The following OPCML variants were observed in gnomAD, a reference collection of about 807,000 sequenced individuals.
OPCML encodes the protein opioid binding protein/cell adhesion molecule like.
OPCML carries 13 observed loss-of-function variants against 37.8 expected under a neutral mutation model. The observed-to-expected ratio is 0.34, with a 90% CI of 0.22 to 0.55. The LOEUF (loss-of-function observed/expected upper bound fraction) is 0.55. Among genes scored for constraint, OPCML ranks in the 20% least tolerant of loss-of-function variants. The pLI, the probability that OPCML is intolerant of heterozygous loss-of-function variation, is 0.91. For missense variants in OPCML, 341 were observed against 435.6 expected (o/e 0.78, Z 1.93); for synonymous variants, 176 against 168.8 (o/e 1.04, Z -0.33).
intron 7 of OPCML, among the ~76,000 whole-genome samples, chr11:132,425,450 C>A (rs1203099281): frequency 6.6e-6 from 1 of 152,148 alleles, no homozygotes; most frequent in Non-Finnish European, 1.5e-5. Context: ...TTGGACAAGA[C>A]CGCCGACTAC....
intron 2 of OPCML, among the ~76,000 whole-genome samples, chr11:132,731,614 T>C (rs1945078512): frequency 6.6e-6 from 1 of 152,180 alleles, no homozygotes; most frequent in African/African-American, 2.4e-5. Flanking sequence ...GTCTTCATGT[T>C]AGGCTTGCAA....
chr11:132,674,717 C>T (rs1239294661), intron 2 of OPCML, among the ~76,000 whole-genome samples: 1 of 152,080 alleles, frequency 6.6e-6, no homozygotes, highest in Admixed American at 6.6e-5. Context: ...ATTCAGGAAG[C>T]TTATGAAAAG....
intron 3 of OPCML, among the ~76,000 whole-genome samples, chr11:132,653,306 T>C (rs1309029727): frequency 6.6e-6 from 1 of 152,188 alleles, no homozygotes; most frequent in African/African-American, 2.4e-5. Context: ...CTCAGGCACC[T>C]CTGGATCTTT....
chr11:132,456,656 T>C (rs1345538371), intron 4 of OPCML, among the ~76,000 whole-genome samples: 2 of 152,206 alleles, frequency 1.3e-5, no homozygotes, highest in Non-Finnish European at 2.9e-5. Flanking sequence ...GAAGAATCAA[T>C]GGCATTCACC....
At chr11:133,373,891 GT>G (rs1204525529) in intron 1 of OPCML, among the ~76,000 whole-genome samples, 1 of 152,024 alleles carries the variant, frequency 6.6e-6, no homozygotes, top group East Asian at 1.9e-4. Flanking sequence ...ATCATAATAT[GT>G]TTAACCACTT....
At chr11:133,404,675 G>A (rs1759230001) in intron 1 of OPCML, among the ~76,000 whole-genome samples, 1 of 152,192 alleles carries the variant, frequency 6.6e-6, no homozygotes, top group Non-Finnish European at 1.5e-5. Context: ...AAGTATCACG[G>A]GAGACCAGAG....
At chr11:132,545,886 G>A (rs1045972534) in intron 3 of OPCML, among the ~76,000 whole-genome samples, 3 of 152,172 alleles carry the variant, frequency 2.0e-5, no homozygotes, top group Non-Finnish European at 4.4e-5. Context: ...TTTCCCACAA[G>A]ACTTGTAAAG....
At chr11:133,318,032 A>G (rs1943245368) in intron 1 of OPCML, among the ~76,000 whole-genome samples, 1 of 152,224 alleles carries the variant, frequency 6.6e-6, no homozygotes, top group Admixed American at 6.5e-5. Flanking sequence ...GAGGAAACTA[A>G]AGCACAGAGA....
In OPCML at chr11:133,205,814, C is replaced by T. The variant is rs976928486; in HGVS notation, c.62-262804G>A. Among the ~76,000 whole-genome samples, 2 of 152,082 alleles carry T rather than the reference C, an allele frequency of 1.3e-5. No homozygotes were observed. Among genetic ancestry groups the T allele is most frequent in the Admixed American group, 1.3e-4 (2 of 15,270 alleles). ...GCTTATAAAATTAGGAAGAGTAAAG[C>T]GCGGTGTGAATGAGCAAGAGTTTTG... On this transcript the variant is annotated intron_variant, in intron 1 of 7. Coordinates refer to ENST00000524381, the MANE Select transcript of OPCML (RefSeq NM_001012393.5). The surrounding 1 kb of genome is among the most constrained non-coding windows in gnomAD (Gnocchi z 4.8).
rs188396576 is a variant in OPCML, at chr11:133,346,037, T to C, written c.61+186227A>G. On this transcript the variant is annotated intron_variant, in intron 1 of 7. Coordinates refer to ENST00000524381, the MANE Select transcript of OPCML (RefSeq NM_001012393.5). ...TAGAATTTTATCTGCATTAGTGTAG[T>C]TCTTCATCAAAGTTGAGGTTGTTTA... Among the ~76,000 whole-genome samples, 574 of 152,308 alleles carry C rather than the reference T, an allele frequency of 3.8e-3. 4 individuals carry two copies. Among genetic ancestry groups the C allele is most frequent in the Non-Finnish European group, 5.3e-3 (359 of 68,016 alleles).
At chr11:132,908,011 C>T (rs1944303299) in intron 2 of OPCML, among the ~76,000 whole-genome samples, 1 of 152,152 alleles carries the variant, frequency 6.6e-6, no homozygotes, top group Admixed American at 6.5e-5. Context: ...TGTCCCAAAG[C>T]TGTTTGGTAA....
intron 4 of OPCML, among the ~76,000 whole-genome samples, chr11:132,458,036 C>A (rs1228412198): frequency 2.0e-5 from 3 of 151,954 alleles, no homozygotes; most frequent in Non-Finnish European, 4.4e-5. Context: ...ATAAATCAAG[C>A]AGGTTGAAGT....
At chr11:132,424,756 A>T (rs1169241934) in intron 7 of OPCML, among the ~76,000 whole-genome samples, 1 of 152,188 alleles carries the variant, frequency 6.6e-6, no homozygotes, top group Non-Finnish European at 1.5e-5. Context: ...GGATGAACGT[A>T]ATCAGTAGAG....
chr11:132,878,392 T>C (rs939281170), intron 2 of OPCML, among the ~76,000 whole-genome samples: 1 of 152,262 alleles, frequency 6.6e-6, no homozygotes, highest in Non-Finnish European at 1.5e-5. Context: ...CCTCATCCTA[T>C]CTTTTGAAAG....
chr11:132,679,989 T>C (rs974150550), intron 2 of OPCML, among the ~76,000 whole-genome samples: 8 of 152,186 alleles, frequency 5.3e-5, no homozygotes, highest in Non-Finnish European at 1.0e-4. Context: ...GAGAAGGTTT[T>C]ATCTCAATTT....
At chr11:133,231,281 G>A (rs1214012495) in intron 1 of OPCML, among the ~76,000 whole-genome samples, 1 of 152,136 alleles carries the variant, frequency 6.6e-6, no homozygotes, top group African/African-American at 2.4e-5. Context: ...ACCGCTTGAT[G>A]AGTAACAGGC....
intron 3 of OPCML, among the ~76,000 whole-genome samples, chr11:132,554,642 C>T (rs1254803165): frequency 6.6e-6 from 1 of 152,108 alleles, no homozygotes; most frequent in Non-Finnish European, 1.5e-5. Flanking sequence ...GCCCTGTCTC[C>T]AGTCTACCAG....
chr11:132,634,510 C>T (rs1940357324), intron 3 of OPCML, among the ~76,000 whole-genome samples: 1 of 152,130 alleles, frequency 6.6e-6, no homozygotes, highest in Admixed American at 6.5e-5. Context: ...GAGCCCATGC[C>T]TCAGTAGTTA....
In OPCML at chr11:132,511,632, TA is replaced by T. The variant is rs576827264; in HGVS notation, c.505+17428del. On this transcript the variant is annotated intron_variant, in intron 4 of 7. Transcript: ENST00000524381. The stretch of plus-strand genomic sequence containing the variant: ...GTCAATTGATTTTCAACAAAGAAAC[TA>T]AGGTAATTCATTAGAAAAAGGATTA... 3.0e-4 allele frequency among the ~76,000 whole-genome samples: 44 copies of T among 148,792 alleles called. 1 individual carries two copies. In the East Asian group the frequency reaches 8.2e-3, roughly 28 times the overall value.
Sources: gnomAD v4.1 joint callset for allele counts (sites outside exome capture counted in the v4.1 genomes callset) on GRCh38, gnomAD v4.1.1 for gene constraint, Gnocchi (gnomAD v3.1) non-coding constraint, MANE v1.5 for transcripts, NCBI Gene and HGNC (gene_info 2026-07-23, HGNC 2026-07-21) for gene names.